Variants in GALNTL6 observed in about 807,000 individuals in gnomAD.
GALNTL6 encodes the protein polypeptide N-acetylgalactosaminyltransferase-like 6.
In GALNTL6, 46 loss-of-function variants were observed where a neutral mutation model predicts 73.7. The observed-to-expected ratio is 0.62, with a 90% CI of 0.49 to 0.80. The LOEUF is 0.80. Among genes scored for constraint, GALNTL6 ranks in the 30% least tolerant of loss-of-function variants. GALNTL6 has a pLI of 0.00. For synonymous variants in GALNTL6, 259 were observed against 263.7 expected, an observed-to-expected ratio of 0.98 and a Z score of 0.17; for missense variants, 604 against 755.0, an observed-to-expected ratio of 0.80 and a Z score of 2.34.
chr4:172,613,729 G>C (rs1177841727), intron 5 of GALNTL6, among the ~76,000 whole-genome samples: 1 of 152,080 alleles, frequency 6.6e-6, no homozygotes, highest in Non-Finnish European at 1.5e-5. Flanking sequence ...TAAACATTAT[G>C]CTGAAAATGA....
intron 11 of GALNTL6, among the ~76,000 whole-genome samples, chr4:173,017,005 G>A (rs1041418481): frequency 6.6e-5 from 10 of 152,074 alleles, no homozygotes; most frequent in African/African-American, 1.9e-4. Context: ...GCTTTATAAG[G>A]GGCTTTTCCC....
intron 2 of GALNTL6, among the ~76,000 whole-genome samples, chr4:171,938,061 T>A (rs1738406664): frequency 6.6e-6 from 1 of 152,178 alleles, no homozygotes; most frequent in Non-Finnish European, 1.5e-5. Context: ...ACCTGTAGGC[T>A]TCAAAACACA....
intron 4 of GALNTL6, among the ~76,000 whole-genome samples, chr4:172,332,257 A>G (rs1421528082): frequency 6.6e-6 from 1 of 152,092 alleles, no homozygotes; most frequent in African/African-American, 2.4e-5. Context: ...GTAAAAATTT[A>G]TAGGATATAG....
At chr4:171,906,885 G>C (rs1373524180) in intron 2 of GALNTL6, among the ~76,000 whole-genome samples, 8 of 152,056 alleles carry the variant, frequency 5.3e-5, no homozygotes, top group African/African-American at 1.9e-4. Flanking sequence ...CAGAACCAAA[G>C]ACAAAAACCA....
chr4:172,663,823 G>A (rs1449765615), intron 5 of GALNTL6, among the ~76,000 whole-genome samples: 2 of 151,820 alleles, frequency 1.3e-5, no homozygotes, highest in South Asian at 2.1e-4. Context: ...CCAGCTACTC[G>A]GGAGGCTGAG....
rs377052142 is a variant in GALNTL6, at chr4:172,786,111, C to T, written c.554-23250C>T. Reference sequence around the variant, plus strand: ...AGGCAATGACTCCAAAATAGGGCTACGAGAGACACTAATGAAAAAAAAAAA... The same window carrying T: ...AGGCAATGACTCCAAAATAGGGCTATGAGAGACACTAATGAAAAAAAAAAA... On this transcript the variant is annotated intron_variant, in intron 5 of 12. Transcript: ENST00000506823. 5.8e-4 allele frequency among the ~76,000 whole-genome samples: 87 copies of T among 151,198 alleles called. 2 individuals are homozygous for T. Among genetic ancestry groups the T allele is most frequent in the South Asian group, 5.2e-3 (25 of 4,772 alleles).
intron 5 of GALNTL6, among the ~76,000 whole-genome samples, chr4:172,422,260 G>T (rs955969707): frequency 5.1e-4 from 78 of 152,070 alleles, no homozygotes; most frequent in Middle Eastern, 3.4e-3. Flanking sequence ...CTTAAATGAG[G>T]CCTTTGCCCT....
intron 2 of GALNTL6, among the ~76,000 whole-genome samples, chr4:172,033,868 T>C (rs1207094328): frequency 6.6e-6 from 1 of 152,112 alleles, no homozygotes; most frequent in African/African-American, 2.4e-5. Context: ...TACAAAACTA[T>C]TAGCCTAATG....
At chr4:172,156,541 AT>A (rs1734276201) in intron 2 of GALNTL6, among the ~76,000 whole-genome samples, 3 of 7,410 alleles carry the variant, frequency 4.0e-4, no homozygotes, top group South Asian at 8.1e-3. Context: ...TATATATATA[AT>A]ATATATATAT....
At chr4:172,678,449 A>G (rs960381384) in intron 5 of GALNTL6, among the ~76,000 whole-genome samples, 2 of 151,662 alleles carry the variant, frequency 1.3e-5, no homozygotes, top group African/African-American at 4.8e-5. Context: ...TGGTTCAAGC[A>G]ATTCTCTTGC....
chr4:171,961,294 T>C (rs1739211998), intron 2 of GALNTL6, among the ~76,000 whole-genome samples: 1 of 152,128 alleles, frequency 6.6e-6, no homozygotes. Context: ...CTGTACAGGG[T>C]TCCTGACCTG....
At chr4:172,923,279 T>C (rs540164204) in intron 8 of GALNTL6, among the ~76,000 whole-genome samples, 1 of 152,172 alleles carries the variant, frequency 6.6e-6, no homozygotes, top group Non-Finnish European at 1.5e-5. Flanking sequence ...GCAAGTCACA[T>C]CTTACATGGT....
intron 2 of GALNTL6, among the ~76,000 whole-genome samples, chr4:172,075,644 T>C (rs1356937897): frequency 6.6e-6 from 1 of 152,102 alleles, no homozygotes; most frequent in Non-Finnish European, 1.5e-5. Context: ...CCCCAACAGG[T>C]ATCTTAAAAA....
At chr4:172,162,778 T>C (rs1734512938) in intron 2 of GALNTL6, among the ~76,000 whole-genome samples, 1 of 152,084 alleles carries the variant, frequency 6.6e-6, no homozygotes, top group South Asian at 2.1e-4. Flanking sequence ...TTTTCAGACT[T>C]CTGACATAAT....
intron 7 of GALNTL6, among the ~76,000 whole-genome samples, chr4:172,831,184 A>T (rs1742616185): frequency 7.8e-6 from 1 of 128,412 alleles, no homozygotes. Context: ...AAAAAAAAAA[A>T]AAAAAAGATT....
intron 2 of GALNTL6, among the ~76,000 whole-genome samples, chr4:171,832,772 C>A (rs559270939): frequency 2.6e-5 from 4 of 151,520 alleles, no homozygotes; most frequent in Non-Finnish European, 5.9e-5. Flanking sequence ...TGAGCCCAAG[C>A]AAAAGAGTCA....
At chr4:173,007,502 C>T (rs1752354961) in intron 10 of GALNTL6, among the ~76,000 whole-genome samples, 1 of 152,142 alleles carries the variant, frequency 6.6e-6, no homozygotes, top group Non-Finnish European at 1.5e-5. Flanking sequence ...GCGAAACCTT[C>T]AAGCAGGAAG....
chr4:172,290,531 T>G (rs1739428418), intron 3 of GALNTL6, among the ~76,000 whole-genome samples: 1 of 152,110 alleles, frequency 6.6e-6, no homozygotes, highest in South Asian at 2.1e-4. Flanking sequence ...TCAGTGAACC[T>G]CCATTTCTTC....
intron 9 of GALNTL6, among the ~76,000 whole-genome samples, chr4:172,934,654 T>C (rs1239199096): frequency 6.6e-6 from 1 of 152,188 alleles, no homozygotes; most frequent in African/African-American, 2.4e-5. Flanking sequence ...GACACGGTTG[T>C]GGTGTCTTGC....
Sources: allele counts gnomAD v4.1 joint callset (sites outside exome capture counted in the v4.1 genomes callset), GRCh38; gene constraint gnomAD v4.1.1; transcripts MANE v1.5; gene names NCBI Gene and HGNC (gene_info 2026-07-23, HGNC 2026-07-21).